Variants in S100A8 observed in about 807,000 individuals in gnomAD.
S100A8 encodes S100 calcium binding protein A8, also known as protein S100-A8.
Under a neutral mutation model 4.2 loss-of-function variants are expected in S100A8, and 1 was observed. The ratio of observed to expected loss-of-function variants is 0.24; its 90% CI spans 0.08 to 1.12. The LOEUF (loss-of-function observed/expected upper bound fraction) is 1.12, where lower values mean the gene tolerates loss of function less well. Ranked by LOEUF, S100A8 falls within the 50% of genes most tolerant of loss-of-function variation. The pLI is 0.53. For missense variants in S100A8, 96 were observed against 111.8 expected (o/e 0.86, Z 0.64); for synonymous variants, 41 against 44.7 (o/e 0.92, Z 0.33).
At chr1:153,391,583 T>C (rs146369752), upstream of S100A8, among the ~76,000 whole-genome samples, 236 of 152,262 alleles carry the variant, frequency 1.5e-3, no homozygotes, top group African/African-American at 5.4e-3. Flanking sequence ...AGAACTATTG[T>C]TCTCATTACT....
At chr1:153,397,030 T>C in the S100A8 span, among the ~76,000 whole-genome samples, 2 of 152,230 alleles carry the variant, frequency 1.3e-5, no homozygotes, top group Non-Finnish European at 1.5e-5. Flanking sequence ...CTGGGCACCA[T>C]TGATGGTTTA....
At chr1:153,392,457 C>T (rs937461450), upstream of S100A8, among the ~76,000 whole-genome samples, 2 of 152,160 alleles carry the variant, frequency 1.3e-5, no homozygotes, top group African/African-American at 2.4e-5. Context: ...ACAGAATTAC[C>T]ATATGATCCA....
At chr1:153,416,873 TCTC>T in the S100A8 span, among the ~76,000 whole-genome samples, 1 of 152,212 alleles carries the variant, frequency 6.6e-6, no homozygotes, top group Non-Finnish European at 1.5e-5. Flanking sequence ...CTGGATTCAT[TCTC>T]CTTTTGGGAT....
At chr1:153,393,211 C>T (rs921526134), upstream of S100A8, among the ~76,000 whole-genome samples, 3 of 152,216 alleles carry the variant, frequency 2.0e-5, no homozygotes, top group African/African-American at 7.2e-5. Context: ...GCTCAGGCAT[C>T]ATCTGCTCCA....
upstream of S100A8, among the ~76,000 whole-genome samples, chr1:153,392,508 A>G (rs1662124858): frequency 6.6e-6 from 1 of 152,248 alleles, no homozygotes; most frequent in South Asian, 2.1e-4. Flanking sequence ...AATTGAATGC[A>G]GGGATTCAAA....
At chr1:153,419,533 G>A in the S100A8 span, 5 of 582,150 alleles carry the variant, frequency 8.6e-6, no homozygotes, top group East Asian at 2.9e-5. Context: ...GAGCTGATCT[G>A]CCTCTCACAC....
chr1:153,398,063 A>C, the S100A8 span, among the ~76,000 whole-genome samples: 1 of 152,188 alleles, frequency 6.6e-6, no homozygotes, highest in African/African-American at 2.4e-5. Context: ...AGCAGAGGCA[A>C]GGCTGGGGAG....
At chr1:153,395,544 G>A (rs3014807), upstream of S100A8, among the ~76,000 whole-genome samples, 21 of 151,912 alleles carry the variant, frequency 1.4e-4, no homozygotes, top group South Asian at 3.1e-3. Flanking sequence ...TTACCTCCTC[G>A]TCACAGCCTC....
chr1:153,398,825 G>C, the S100A8 span, among the ~76,000 whole-genome samples: 1 of 152,212 alleles, frequency 6.6e-6, no homozygotes, highest in African/African-American at 2.4e-5. Flanking sequence ...AACCCAGAGA[G>C]GATAAGTAAT....
the S100A8 span, among the ~76,000 whole-genome samples, chr1:153,417,715 G>A: frequency 6.6e-6 from 1 of 152,196 alleles, no homozygotes; most frequent in Non-Finnish European, 1.5e-5. Context: ...GCTGTTTCAA[G>A]AGTGGGGTCC....
chr1:153,397,317 G>T, the S100A8 span, among the ~76,000 whole-genome samples: 2 of 152,196 alleles, frequency 1.3e-5, no homozygotes, highest in Non-Finnish European at 2.9e-5. Flanking sequence ...CCTGCATCAG[G>T]AGCAATTCCC....
chr1:153,420,518 A>T, the S100A8 span: 3 of 152,244 alleles, frequency 2.0e-5, no homozygotes, highest in African/African-American at 7.2e-5. Context: ...TTTCCATCCT[A>T]CCAGCAGCAG....
chr1:153,410,674 CA>C, the S100A8 span, among the ~76,000 whole-genome samples: 36 of 150,302 alleles, frequency 2.4e-4, no homozygotes, highest in African/African-American at 8.3e-4. Flanking sequence ...AGAGACACAA[CA>C]AAAAAAAAGA....
At chr1:153,422,532 G>A in the S100A8 span, 190 of 985,288 alleles carry the variant, frequency 1.9e-4, no homozygotes, top group African/African-American at 1.7e-3. Flanking sequence ...CAGCTGATGT[G>A]AAAGAGATTC....
chr1:153,398,880 C>T, the S100A8 span, among the ~76,000 whole-genome samples: 4 of 152,194 alleles, frequency 2.6e-5, no homozygotes, highest in African/African-American at 9.7e-5. Flanking sequence ...TCGTTCAAAC[C>T]CATGTCTTTG....
At chr1:153,419,248 T>C in the S100A8 span, 9 of 1,614,186 alleles carry the variant, frequency 5.6e-6, no homozygotes, top group South Asian at 2.2e-5. Context: ...CTGGGAGACA[T>C]AGCCGCAGAC....
At chr1:153,413,442 C>T in the S100A8 span, among the ~76,000 whole-genome samples, 1 of 152,198 alleles carries the variant, frequency 6.6e-6, no homozygotes, top group Admixed American at 6.5e-5. Flanking sequence ...CAGCATCTGC[C>T]CGCCCTGCTC....
chr1:153,400,609 C>G, the S100A8 span, among the ~76,000 whole-genome samples: 6 of 152,144 alleles, frequency 3.9e-5, no homozygotes, highest in East Asian at 1.9e-4. Flanking sequence ...GCTGGGTGAG[C>G]CTTCATCTAC....
chr1:153,419,404 T>A, the S100A8 span: 3,711 of 1,368,490 alleles, frequency 2.7e-3, 5 homozygotes, highest in Non-Finnish European at 3.4e-3. Flanking sequence ...TTTGGTGACC[T>A]ACATTGTCAA....
Sources: gnomAD v4.1 joint callset for allele counts (sites outside exome capture counted in the v4.1 genomes callset) on GRCh38, gnomAD v4.1.1 for gene constraint, MANE v1.5 for transcripts, NCBI Gene and HGNC (gene_info 2026-07-23, HGNC 2026-07-21) for gene names.